ROCK1: variants seen among roughly 807,000 people sequenced by gnomAD.
The protein encoded by ROCK1 is Rho associated coiled-coil containing protein kinase 1.
Under a neutral mutation model 196.8 loss-of-function variants are expected in ROCK1, and 36 were observed. The ratio of observed to expected loss-of-function variants is 0.18; its 90% CI spans 0.14 to 0.24. The LOEUF is 0.24. Ranked by LOEUF, ROCK1 falls within the 10% of genes least tolerant of loss-of-function variation. ROCK1 has a pLI of 1.00. For missense variants in ROCK1, 920 were observed against 1,562.0 expected, an observed-to-expected ratio of 0.59 and a Z score of 6.93; for synonymous variants, 443 against 515.9, an observed-to-expected ratio of 0.86 and a Z score of 1.91.
chr18:21,064,416 A>G (rs2036317007), intron 2 of ROCK1, among the ~76,000 whole-genome samples: 1 of 152,140 alleles, frequency 6.6e-6, no homozygotes, highest in African/African-American at 2.4e-5. Flanking sequence ...ACAAACTTCT[A>G]CTATTATAAG....
At chr18:21,108,734 CAAT>C (rs1377462262) in intron 1 of ROCK1, among the ~76,000 whole-genome samples, 4 of 152,132 alleles carry the variant, frequency 2.6e-5, no homozygotes, top group Non-Finnish European at 5.9e-5. Context: ...TGGACTATTA[CAAT>C]AATAACAATT....
At chr18:21,076,000 T>C (rs1474598572) in intron 1 of ROCK1, among the ~76,000 whole-genome samples, 4 of 132,246 alleles carry the variant, frequency 3.0e-5, no homozygotes, top group African/African-American at 1.1e-4. Flanking sequence ...AGAGCAAAAA[T>C]GGTGGAGGAG....
chr18:20,995,703 G>A (rs1262947209), intron 16 of ROCK1, among the ~76,000 whole-genome samples: 12 of 152,102 alleles, frequency 7.9e-5, no homozygotes, highest in African/African-American at 1.4e-4. Flanking sequence ...GCAGCTCAGC[G>A]CAGAGAGACT....
intron 1 of ROCK1, among the ~76,000 whole-genome samples, chr18:21,083,446 A>C (rs1348764258): frequency 6.6e-6 from 1 of 152,148 alleles, no homozygotes; most frequent in Non-Finnish European, 1.5e-5. Flanking sequence ...CAGTAACCAA[A>C]ATGGTGTACT....
intron 13 of ROCK1, among the ~76,000 whole-genome samples, chr18:21,014,385 T>C (rs796489044): frequency 3.9e-5 from 6 of 152,326 alleles, no homozygotes; most frequent in African/African-American, 1.2e-4. Flanking sequence ...GTTTGTTTTA[T>C]GTTTAATGTT....
intron 23 of ROCK1, among the ~76,000 whole-genome samples, chr18:20,969,724 T>C (rs546829142): frequency 1.4e-4 from 22 of 152,298 alleles, no homozygotes; most frequent in Middle Eastern, 6.8e-3. Flanking sequence ...TTACTATTTC[T>C]ATTTTATAGA....
intron 14 of ROCK1, among the ~76,000 whole-genome samples, chr18:21,007,176 A>G (rs544029431): frequency 5.3e-5 from 8 of 152,264 alleles, no homozygotes; most frequent in East Asian, 1.9e-4. Context: ...ATAGTATAGA[A>G]TAAGTCCTCC....
intron 1 of ROCK1, among the ~76,000 whole-genome samples, chr18:21,074,980 T>C (rs1019522691): frequency 2.0e-5 from 3 of 151,998 alleles, no homozygotes; most frequent in African/African-American, 7.2e-5. Context: ...GAGGATAGAA[T>C]GTTCTGGACT....
At position 21,042,145 on chromosome 18, in the gene ROCK1, T is replaced by C; in HGVS notation, c.911A>G (p.Asp304Gly). ...AAGGTTTTTTGCTTCTTTTGATATG[T>C]CATTATCATCAGGAAAGGTAAGTGA... ...KNSLTFPDDN[D>G]ISKEAKNLIC... The change falls in exon 8 of 33, where the codon GAC becomes GGC. Residue 304 changes from aspartate to glycine, a missense_variant. Asp to Gly is a moderately conservative substitution (Grantham distance 94). Around this residue, in one of 6 missense-constraint regions of ROCK1, gnomAD observed 234 missense variants for 460.7 expected, o/e 0.51. Transcript: ENST00000399799. 1 of 1,605,802 alleles carries C rather than the reference T, an allele frequency of 6.2e-7. No homozygotes were observed. Among genetic ancestry groups the C allele is most frequent in the Non-Finnish European group, 8.5e-7 (1 of 1,177,190 alleles).
Position 20,990,643 on chromosome 18 carries a change from A to G in ROCK1, c.2143+533T>C, listed in dbSNP as rs2035616322. On this transcript the variant is annotated intron_variant, in intron 18 of 32. Transcript: ENST00000399799. ...TGGAGGCAGAGACTGCATTGAGCCAAGATCACACCATTGCACTCCAGCATG... is the reference window on the plus strand; with the variant it reads ...TGGAGGCAGAGACTGCATTGAGCCAGGATCACACCATTGCACTCCAGCATG... 2.1e-5 allele frequency among the ~76,000 whole-genome samples: 3 copies of G among 145,912 alleles called. No homozygotes were observed. The South Asian group carries it at 7.0e-4, about 34-fold the overall frequency.
At chr18:20,968,504 C>T (rs557156111) in intron 25 of ROCK1, 17 of 311,818 alleles carry the variant, frequency 5.5e-5, no homozygotes, top group Non-Finnish European at 9.3e-5. Flanking sequence ...ACTGGGGTTT[C>T]GATGTCAGCC....
chr18:21,102,865 C>CAAA (rs10718814), intron 1 of ROCK1, among the ~76,000 whole-genome samples: 2 of 124,038 alleles, frequency 1.6e-5, no homozygotes. Flanking sequence ...GACCCTGTCT[C>CAAA]AAAAAAAAAA....
intron 29 of ROCK1, among the ~76,000 whole-genome samples, chr18:20,959,349 C>CT (rs2035303955): frequency 6.8e-6 from 1 of 146,212 alleles, no homozygotes; most frequent in South Asian, 2.1e-4. Context: ...GTAGCTGGGA[C>CT]TACAGGCGCC....
At chr18:20,975,554 A>T (rs916585481) in intron 22 of ROCK1, among the ~76,000 whole-genome samples, 8 of 152,188 alleles carry the variant, frequency 5.3e-5, no homozygotes, top group Admixed American at 3.3e-4. Context: ...ACAATTTATG[A>T]CTGTTTTTCT....
intron 2 of ROCK1, among the ~76,000 whole-genome samples, chr18:21,050,210 C>A (rs764770568): frequency 6.6e-6 from 1 of 151,732 alleles, no homozygotes; most frequent in African/African-American, 2.4e-5. Context: ...ATTTTAAGTA[C>A]ACATCAAATC....
chr18:20,969,075 A>T (rs1294103097), intron 24 of ROCK1, 40 bp downstream of exon 24: 2 of 1,295,620 alleles, frequency 1.5e-6, no homozygotes, highest in East Asian at 4.6e-5. Context: ...AAATCACTGA[A>T]TTTGATTTAA....
chr18:21,025,769 T>A (rs1433520469), intron 10 of ROCK1, among the ~76,000 whole-genome samples: 1 of 152,150 alleles, frequency 6.6e-6, no homozygotes, highest in Non-Finnish European at 1.5e-5. Flanking sequence ...GGTTCTTTCT[T>A]TATGAACAGC....
intron 20 of ROCK1, 86 bp from the exon 21 acceptor site, chr18:20,982,918 T>C: frequency 1.6e-6 from 1 of 624,680 alleles, no homozygotes; most frequent in Non-Finnish European, 2.9e-6. Context: ...GTTGCTAATA[T>C]AAAAAAGTTT....
At chr18:21,068,801 T>C (rs1382950863) in intron 2 of ROCK1, among the ~76,000 whole-genome samples, 1 of 152,198 alleles carries the variant, frequency 6.6e-6, no homozygotes, top group African/African-American at 2.4e-5. Context: ...CAACTGCTTT[T>C]TGGATATTAA....
Sources: allele counts gnomAD v4.1 joint callset (sites outside exome capture counted in the v4.1 genomes callset), GRCh38; gene constraint gnomAD v4.1.1; regional missense constraint gnomAD v4.1.1; transcripts MANE v1.5; gene names NCBI Gene and HGNC (gene_info 2026-07-23, HGNC 2026-07-21).